ASH1L: variants seen among roughly 807,000 people sequenced by gnomAD.
ASH1L encodes the protein ASH1 like histone lysine methyltransferase.
ASH1L carries 23 observed loss-of-function variants against 269.0 expected under a neutral mutation model. That is an observed-to-expected ratio of 0.09 (90% confidence interval 0.06 to 0.12). The LOEUF (loss-of-function observed/expected upper bound fraction) is 0.12. Among genes scored for constraint, ASH1L ranks in the 10% least tolerant of loss-of-function variants. The pLI is 1.00. For missense variants in ASH1L, 2,912 were observed against 3,567.8 expected (o/e 0.82, Z 4.68); for synonymous variants, 1,187 against 1,253.5 (o/e 0.95, Z 1.12).
intron 7 of ASH1L, among the ~76,000 whole-genome samples, chr1:155,392,488 CTTAT>C (rs763393785): frequency 1.5e-4 from 23 of 151,972 alleles, no homozygotes; most frequent in African/African-American, 4.3e-4. Flanking sequence ...GCATTTTTTT[CTTAT>C]TTATTTATTT....
At chr1:155,396,923 C>G (rs889104400) in intron 6 of ASH1L, 1 of 146,318 alleles carries the variant, frequency 6.8e-6, no homozygotes, top group Non-Finnish European at 1.5e-5. Flanking sequence ...GATCGTGCCA[C>G]TGTACTCCAG....
At chr1:155,428,478 GC>G (rs1269954901) in intron 5 of ASH1L, among the ~76,000 whole-genome samples, 1 of 151,674 alleles carries the variant, frequency 6.6e-6, no homozygotes, top group African/African-American at 2.4e-5. Context: ...TTGGGAACAG[GC>G]CCCCCAAAAT....
intron 5 of ASH1L, among the ~76,000 whole-genome samples, chr1:155,428,255 A>G (rs1379754534): frequency 6.6e-6 from 1 of 152,082 alleles, no homozygotes; most frequent in Non-Finnish European, 1.5e-5. Context: ...CCTGACCAAC[A>G]TGGTGAAACC....
chr1:155,436,558 G>A lies in ASH1L; in HGVS notation c.5828+1769C>T, dbSNP rs188279347. ...GTCACCCAGGCTGGAGTGCAGTGGCGCAATCTCGGCTCATCACAACCTCCG... is the reference window on the plus strand; with the variant it reads ...GTCACCCAGGCTGGAGTGCAGTGGCACAATCTCGGCTCATCACAACCTCCG... On this transcript the variant is annotated intron_variant, in intron 5 of 27. Transcript: ENST00000392403. 1.7e-4 allele frequency among the ~76,000 whole-genome samples: 25 copies of A among 144,354 alleles called. No individual in the cohort carries two copies. In the South Asian group the frequency reaches 4.9e-3, roughly 28 times the overall value. The allele number at this position is 144,354 out of a possible 152,430, so 94.7% of individuals were successfully genotyped here.
chr1:155,386,129 G>A (rs1015894911), intron 7 of ASH1L, among the ~76,000 whole-genome samples: 1 of 150,864 alleles, frequency 6.6e-6, no homozygotes, highest in Admixed American at 6.6e-5. Context: ...GTGCAGTGGT[G>A]TAATCTCAGC....
intron 1 of ASH1L, among the ~76,000 whole-genome samples, chr1:155,544,091 G>C (rs1274734910): frequency 6.6e-6 from 1 of 151,844 alleles, no homozygotes; most frequent in African/African-American, 2.4e-5. Flanking sequence ...GCTCAAGCAA[G>C]GGGTGTCTCA....
rs1316302325 is a variant in ASH1L at position 155,479,210 on chromosome 1, T to C, written c.3660A>G (p.Gln1220=). The part of the protein sequence containing the change: ...TSDRAEKFCG[Q]KKRRHSFEHV... Reference sequence around the variant, plus strand: ...GCTCAAAAGAATGCCTCCTCTTTTTTTGCCCACAAAATTTCTCTGCCCTGT... The same window carrying C: ...GCTCAAAAGAATGCCTCCTCTTTTTCTGCCCACAAAATTTCTCTGCCCTGT... The change falls in exon 3 of 28, where the codon CAA becomes CAG. Residue 1220 remains glutamine (Q), a synonymous_variant. Coordinates refer to ENST00000392403, the MANE Select transcript of ASH1L (RefSeq NM_018489.3). 1.2e-6 allele frequency: 2 copies of C among 1,614,170 alleles called. No individual in the cohort carries two copies. Among genetic ancestry groups the C allele is most frequent in the East Asian group, 2.2e-5 (1 of 44,886 alleles).
chr1:155,352,439 C>T (rs1027632803), intron 17 of ASH1L, among the ~76,000 whole-genome samples: 1 of 151,530 alleles, frequency 6.6e-6, no homozygotes, highest in African/African-American at 2.4e-5. Flanking sequence ...CTCTTTATAT[C>T]CTTAGGTTAA....
chr1:155,415,786 T>C lies in ASH1L; in HGVS notation c.5966A>G (p.Tyr1989Cys). ...GTCAGAATACAGCCCTGCTTTCTGATACTTCTTCTTTGGGGGACGTGGGGG... is the reference window on the plus strand; with the variant it reads ...GTCAGAATACAGCCCTGCTTTCTGACACTTCTTCTTTGGGGGACGTGGGGG... ...KKPPRPPKKK[Y>C]QKAGLYSDVY... Residue 1989 changes from tyrosine to cysteine, a missense_variant, in exon 6 of 28, where the codon TAT (tyrosine) becomes TGT (cysteine). Transcript: ENST00000392403. 11 of 1,614,154 alleles carry C rather than the reference T, an allele frequency of 6.8e-6. No individual in the cohort carries two copies. The highest frequency in any genetic ancestry group is 9.3e-6 in the Non-Finnish European group (11 of 1,180,042).
chr1:155,385,774 GCTGCCTCATTA>G (rs1436721809), intron 7 of ASH1L, among the ~76,000 whole-genome samples: 2 of 152,194 alleles, frequency 1.3e-5, no homozygotes, highest in Non-Finnish European at 2.9e-5. Flanking sequence ...AAGGGATAAA[GCTGCCTCATTA>G]CTGCCAGCTG....
chr1:155,465,289 CAAAAAAAAAAA>C (rs1171228344), intron 3 of ASH1L, among the ~76,000 whole-genome samples: 13 of 62,572 alleles, frequency 2.1e-4, no homozygotes, highest in East Asian at 1.8e-3. Context: ...TACAAATTAG[CAAAAAAAAAAA>C]AAAAAAAAAA....
rs754645316 is a variant in ASH1L, at chr1:155,489,795, A to AAAATAAATAAATAAATAAAT, written c.421-7366_421-7347dup. On this transcript the variant is annotated intron_variant, in intron 2 of 27. Coordinates refer to ENST00000392403, the MANE Select transcript of ASH1L (RefSeq NM_018489.3). The stretch of plus-strand genomic sequence containing the variant: ...TAAATAAATGGGGAGACACTGTCTC[A>AAAATAAATAAATAAATAAAT]AAATAAATAAATAAATAAATAAATA... Among the ~76,000 whole-genome samples, 405 of 141,538 alleles carry AAAATAAATAAATAAATAAAT rather than the reference A, an allele frequency of 2.9e-3. 1 individual carries two copies. The highest frequency in any genetic ancestry group is 4.1e-3 in the Non-Finnish European group (268 of 65,820). 92.9% of individuals were successfully genotyped at this position (141,538 alleles called of 152,430 possible). A position where few individuals can be genotyped will look rare whatever the true frequency, so the allele number is the denominator to read the frequency against.
At chr1:155,526,649 A>G (rs535380637) in intron 1 of ASH1L, among the ~76,000 whole-genome samples, 1 of 152,246 alleles carries the variant, frequency 6.6e-6, no homozygotes, top group Admixed American at 6.5e-5. Flanking sequence ...TTCCTATCTG[A>G]TCACAGCAGT....
intron 1 of ASH1L, among the ~76,000 whole-genome samples, chr1:155,528,933 T>C (rs1669459389): frequency 6.6e-6 from 1 of 152,288 alleles, no homozygotes; most frequent in African/African-American, 2.4e-5. Flanking sequence ...CTCCCATTTA[T>C]ATGTGAGAAC....
chr1:155,370,417 C>T (rs141793572), intron 12 of ASH1L, 87 bp downstream of exon 12: 1 of 1,552,288 alleles, frequency 6.4e-7, no homozygotes, highest in East Asian at 2.2e-5. Context: ...TTTGTGTAAG[C>T]TGACTGACAC....
chr1:155,450,906 G>A (rs1162861128), intron 4 of ASH1L, among the ~76,000 whole-genome samples: 4 of 152,010 alleles, frequency 2.6e-5, no homozygotes. Flanking sequence ...CTAAAAAATG[G>A]ATAAACCCTG....
In ASH1L at chr1:155,433,275, C is replaced by T. The variant is rs200561024; in HGVS notation, c.5828+5052G>A. Reference sequence around the variant, plus strand: ...GGGCCGGAGCCGGGCTGGGTTGATCCTCGGACCTGGCTAAGCTTCCAAGGC... The same window carrying T: ...GGGCCGGAGCCGGGCTGGGTTGATCTTCGGACCTGGCTAAGCTTCCAAGGC... On this transcript the variant is annotated intron_variant, in intron 5 of 27. Coordinates refer to ENST00000392403, the MANE Select transcript of ASH1L (RefSeq NM_018489.3). 28 of 1,563,890 alleles carry T rather than the reference C, an allele frequency of 1.8e-5. No individual in the cohort carries two copies. The South Asian group carries it at 3.2e-4, about 18-fold the overall frequency.
chr1:155,374,225 G>A (rs1420134370), intron 10 of ASH1L, among the ~76,000 whole-genome samples: 3 of 151,936 alleles, frequency 2.0e-5, no homozygotes, highest in African/African-American at 4.8e-5. Context: ...CTTGGGAGGC[G>A]GAGGTAGGAG....
At position 155,338,419 on chromosome 1, in the gene ASH1L, A is replaced by G. The variant is rs773493471; in HGVS notation, c.8502-29T>C. On this transcript the variant is annotated intron_variant, in intron 26 of 27. Transcript: ENST00000392403. The stretch of plus-strand genomic sequence containing the variant: ...CCAGAAGGATATCTGAATTTAGTGT[A>G]AGACACTTGAGGAGGAAAAGGGGAT... The G allele has an allele frequency of 6.9e-6, 11 of 1,596,250 alleles. 1 individual carries two copies. In the South Asian group the frequency reaches 1.2e-4, roughly 18 times the overall value.
Sources: gnomAD v4.1 joint callset for allele counts (sites outside exome capture counted in the v4.1 genomes callset) on GRCh38, gnomAD v4.1.1 for gene constraint, MANE v1.5 for transcripts, NCBI Gene and HGNC (gene_info 2026-07-23, HGNC 2026-07-21) for gene names.